RAD51B: variants seen among roughly 807,000 people sequenced by gnomAD.
RAD51B encodes the protein RAD51 paralog B, also known as DNA repair protein RAD51 homolog 2.
Under a neutral mutation model 42.2 loss-of-function variants are expected in RAD51B, and 38 were observed. The observed-to-expected ratio is 0.90, with a 90% CI of 0.70 to 1.18. The LOEUF (loss-of-function observed/expected upper bound fraction) is 1.18, where lower values mean the gene tolerates loss of function less well. Among genes scored for constraint, RAD51B ranks in the 50% most tolerant of loss-of-function variants. The pLI, the probability that RAD51B is intolerant of heterozygous loss-of-function variation, is 0.00. For synonymous variants in RAD51B, 154 were observed against 145.2 expected (o/e 1.06, Z -0.43); for missense variants, 373 against 400.7 (o/e 0.93, Z 0.59).
intron 7 of RAD51B, among the ~76,000 whole-genome samples, chr14:67,976,100 ATT>A (rs11285889): frequency 8.4e-5 from 12 of 142,926 alleles, no homozygotes; most frequent in African/African-American, 1.5e-4. Flanking sequence ...TTTTCGCTTG[ATT>A]TTTTTTTTTT....
intron 8 of RAD51B, among the ~76,000 whole-genome samples, chr14:68,406,826 TTC>T (rs2084288852): frequency 6.6e-6 from 1 of 152,226 alleles, no homozygotes; most frequent in Non-Finnish European, 1.5e-5. Context: ...ATAATCTTAT[TTC>T]TGTTTTTTAG....
At chr14:68,641,368 GA>G (rs1892456839) in intron 10 of RAD51B, among the ~76,000 whole-genome samples, 1 of 151,998 alleles carries the variant, frequency 6.6e-6, no homozygotes, top group South Asian at 2.1e-4. Context: ...AATCCTTTTG[GA>G]TTTTCTACAT....
intron 5 of RAD51B, among the ~76,000 whole-genome samples, chr14:67,885,217 A>G (rs35577122): frequency 0.015 from 2,237 of 152,302 alleles, 58 homozygotes; most frequent in African/African-American, 0.05. Context: ...AATGCTTTCC[A>G]TATCTTATAA....
chr14:68,241,127 G>A (rs187656126), intron 7 of RAD51B, among the ~76,000 whole-genome samples: 90 of 152,298 alleles, frequency 5.9e-4, no homozygotes, highest in African/African-American at 2.0e-3. Context: ...GAAACCCAAC[G>A]TGTGTATTCT....
chr14:68,525,891 T>C (rs1182093180), intron 10 of RAD51B, among the ~76,000 whole-genome samples: 1 of 152,220 alleles, frequency 6.6e-6, no homozygotes, highest in Non-Finnish European at 1.5e-5. Context: ...TGAGAAGTTA[T>C]CAACTGGGAA....
intron 8 of RAD51B, among the ~76,000 whole-genome samples, chr14:68,354,205 T>G (rs1249844913): frequency 7.6e-6 from 1 of 131,354 alleles, no homozygotes; most frequent in Non-Finnish European, 1.5e-5. Flanking sequence ...TTTTTGGTTT[T>G]TGGTTTTTTG....
At chr14:68,578,074 TGGCA>T in intron 10 of RAD51B, among the ~76,000 whole-genome samples, 1 of 152,234 alleles carries the variant, frequency 6.6e-6, no homozygotes, top group Admixed American at 6.5e-5. Context: ...CAACACTATG[TGGCA>T]ATGGCTGTTG....
intron 7 of RAD51B, among the ~76,000 whole-genome samples, chr14:68,178,024 AGCTGGTGACCAT>A (rs1272466964): frequency 2.0e-5 from 3 of 152,214 alleles, no homozygotes; most frequent in Non-Finnish European, 4.4e-5. Context: ...TCTAACGTTG[AGCTGGTGACCAT>A]GCTGCCCTCT....
intron 5 of RAD51B, among the ~76,000 whole-genome samples, chr14:67,867,501 C>T (rs1190511201): frequency 6.6e-6 from 1 of 152,128 alleles, no homozygotes; most frequent in Non-Finnish European, 1.5e-5. Flanking sequence ...GGAAAGTGTA[C>T]TTTTATTCAT....
rs555073468 is a variant in RAD51B at position 68,196,483 on chromosome 14, G to A, written c.757-95401G>A. Reference sequence around the variant, plus strand: ...TCCTACTTCTCCACATCTTCACACAGGTTCTTTCCTCTCCATGGAATAATA... The same window carrying A: ...TCCTACTTCTCCACATCTTCACACAAGTTCTTTCCTCTCCATGGAATAATA... On this transcript the variant is annotated intron_variant, in intron 7 of 10. Coordinates refer to ENST00000471583, the MANE Select transcript of RAD51B (RefSeq NM_133510.4). Among the ~76,000 whole-genome samples, 69 of 151,860 alleles carry A rather than the reference G, an allele frequency of 4.5e-4. 1 individual carries two copies. The highest frequency in any genetic ancestry group is 8.5e-4 in the Non-Finnish European group (58 of 67,974).
intron 7 of RAD51B, among the ~76,000 whole-genome samples, chr14:68,088,589 C>CGTGT (rs150938541): frequency 5.1e-5 from 7 of 137,024 alleles, no homozygotes; most frequent in African/African-American, 1.6e-4. Context: ...GTTATGGGAT[C>CGTGT]GTGTGTGTGT....
chr14:68,393,691 G>T (rs573002218), intron 8 of RAD51B, among the ~76,000 whole-genome samples: 3 of 152,322 alleles, frequency 2.0e-5, no homozygotes, highest in Admixed American at 6.5e-5. Context: ...AGTGCAAAAC[G>T]TGGGGCTTGG....
intron 4 of RAD51B, among the ~76,000 whole-genome samples, chr14:67,850,374 C>T (rs1042199679): frequency 6.6e-6 from 1 of 151,742 alleles, no homozygotes; most frequent in Non-Finnish European, 1.5e-5. Flanking sequence ...TTGTTTTTTC[C>T]CCCTTTCCTT....
At chr14:67,904,585 A>G (rs1420864910) in intron 7 of RAD51B, among the ~76,000 whole-genome samples, 1 of 145,002 alleles carries the variant, frequency 6.9e-6, no homozygotes, top group Non-Finnish European at 1.5e-5. Context: ...ATCTCGGCTC[A>G]CTGCAATCTC....
chr14:68,335,411 C>A (rs2082435726), intron 8 of RAD51B, among the ~76,000 whole-genome samples: 1 of 151,922 alleles, frequency 6.6e-6, no homozygotes, highest in Non-Finnish European at 1.5e-5. Context: ...GCCACTCTTT[C>A]AGTTGATTAG....
chr14:67,966,256 A>T (rs1318309794), intron 7 of RAD51B, among the ~76,000 whole-genome samples: 1 of 152,172 alleles, frequency 6.6e-6, no homozygotes, highest in African/African-American at 2.4e-5. Context: ...TTTAAAAATC[A>T]CCAGGATAGA....
At position 68,671,382 on chromosome 14, in the gene RAD51B, C is replaced by T. The variant is rs189745381; in HGVS notation, c.*11+20526C>T. On this transcript the variant is annotated intron_variant, in intron 11 of 11. Transcript: ENST00000488612. ...ATGTAACCCTATCCTACCACATCTCCAGTTTGCTGTACCATGCCCTCCCCT... is the reference window on the plus strand; with the variant it reads ...ATGTAACCCTATCCTACCACATCTCTAGTTTGCTGTACCATGCCCTCCCCT... Among the ~76,000 whole-genome samples, 11 of 152,316 alleles carry T rather than the reference C, an allele frequency of 7.2e-5. No individual in the cohort carries two copies. The East Asian group carries it at 1.9e-3, about 27-fold the overall frequency.
rs2076439654 is a variant in RAD51B at position 68,054,299 on chromosome 14, A to AT, written c.756+167101dup. 3.9e-5 allele frequency among the ~76,000 whole-genome samples: 6 copies of AT among 152,212 alleles called. No individual in the cohort carries two copies. In the South Asian group the frequency reaches 1.2e-3, roughly 32 times the overall value. On this transcript the variant is annotated intron_variant, in intron 7 of 10. Coordinates refer to ENST00000471583, the MANE Select transcript of RAD51B (RefSeq NM_133510.4). ...TATTCTTTGTCCCCTGCAACTTGAC[A>AT]TTTTTTATGAGTGTAGGCTTTTTAT...
At chr14:68,235,532 G>A (rs1023314188) in intron 7 of RAD51B, among the ~76,000 whole-genome samples, 35 of 150,628 alleles carry the variant, frequency 2.3e-4, no homozygotes, top group Non-Finnish European at 4.1e-4. Flanking sequence ...GTGAAACCCC[G>A]TCTCTACTAA....
Sources: allele counts gnomAD v4.1 joint callset (sites outside exome capture counted in the v4.1 genomes callset), GRCh38; gene constraint gnomAD v4.1.1; transcripts MANE v1.5; gene names NCBI Gene and HGNC (gene_info 2026-07-23, HGNC 2026-07-21).